Variants in SORCS3 observed in about 807,000 individuals in gnomAD.
SORCS3 encodes the protein VPS10 domain-containing receptor SorCS3.
Under a neutral mutation model 146.3 loss-of-function variants are expected in SORCS3, and 57 were observed. That is an observed-to-expected ratio of 0.39 (90% CI 0.31 to 0.49). The LOEUF is 0.49. Among genes scored for constraint, SORCS3 ranks in the 20% least tolerant of loss-of-function variants. The pLI is 0.92. For missense variants in SORCS3, 1,341 were observed against 1,575.5 expected (o/e 0.85, Z 2.52); for synonymous variants, 653 against 618.5 (o/e 1.06, Z -0.83).
chr10:104,887,815 A>G (rs571310599), intron 2 of SORCS3, among the ~76,000 whole-genome samples: 1 of 152,162 alleles, frequency 6.6e-6, no homozygotes, highest in Non-Finnish European at 1.5e-5. Context: ...TAAGTTCTGT[A>G]TCTGTCATAC....
intron 1 of SORCS3, among the ~76,000 whole-genome samples, chr10:104,813,929 C>CTTTT (rs35625517): frequency 4.3e-5 from 5 of 116,146 alleles, no homozygotes; most frequent in East Asian, 2.6e-4. Flanking sequence ...TCTTTTCTTT[C>CTTTT]TTTTTTTTTT....
intron 3 of SORCS3, among the ~76,000 whole-genome samples, chr10:104,919,718 A>G (rs991393363): frequency 6.6e-6 from 1 of 152,106 alleles, no homozygotes; most frequent in African/African-American, 2.4e-5. Flanking sequence ...TAATGTTCAT[A>G]AGGGTCCTAC....
chr10:105,203,077 G>A (rs910337075), intron 16 of SORCS3, among the ~76,000 whole-genome samples: 1 of 152,122 alleles, frequency 6.6e-6, no homozygotes, highest in Admixed American at 6.6e-5. Context: ...AGCTTGATTT[G>A]TACTAGAAAC....
chr10:104,682,659 T>G (rs1439552566), intron 1 of SORCS3, among the ~76,000 whole-genome samples: 1 of 151,960 alleles, frequency 6.6e-6, no homozygotes, highest in Admixed American at 6.6e-5. Context: ...CTGGAAGAGG[T>G]TGGGGGCTGC....
chr10:104,873,465 A>G (rs2018539807), intron 2 of SORCS3, among the ~76,000 whole-genome samples: 1 of 152,200 alleles, frequency 6.6e-6, no homozygotes, highest in Non-Finnish European at 1.5e-5. Flanking sequence ...TGAGCTGACT[A>G]CCTTCAGAAG....
intron 3 of SORCS3, among the ~76,000 whole-genome samples, chr10:104,950,213 A>G (rs922357053): frequency 3.9e-5 from 6 of 152,202 alleles, no homozygotes; most frequent in Non-Finnish European, 8.8e-5. Flanking sequence ...TACCCTCAGA[A>G]ATAAAGCCAT....
At position 104,641,938 on chromosome 10, in the gene SORCS3, C is replaced by T; in HGVS notation, c.611C>T (p.Ser204Leu). 1 of 1,576,032 alleles carries T rather than the reference C, an allele frequency of 6.3e-7. No homozygotes were observed. The highest frequency in any genetic ancestry group is 8.5e-7 in the Non-Finnish European group (1 of 1,173,558). Residue 204 changes from serine (S) to leucine (L), a missense_variant, in exon 1 of 27, where the codon TCG becomes TTG. Coordinates refer to ENST00000369701, the MANE Select transcript of SORCS3 (RefSeq NM_014978.3). This position sits in a 1 kb window ranked among gnomAD's most constrained non-coding sequence, Gnocchi z 6.4. ...CACAACCAAGCCATGGTGCACTGGTCGGGACACAACAGCAGCGTGAGTACC... is the reference window on the plus strand; with the variant it reads ...CACAACCAAGCCATGGTGCACTGGTTGGGACACAACAGCAGCGTGAGTACC... ...SAHNQAMVHW[S>L]GHNSSVILIL...
At chr10:105,095,577 G>C (rs1410667979) in intron 6 of SORCS3, among the ~76,000 whole-genome samples, 1 of 152,126 alleles carries the variant, frequency 6.6e-6, no homozygotes, top group Non-Finnish European at 1.5e-5. Context: ...GACTCTCCAA[G>C]CCCTGGTAGA....
At chr10:105,010,643 A>G (rs2055129462) in intron 4 of SORCS3, among the ~76,000 whole-genome samples, 1 of 152,200 alleles carries the variant, frequency 6.6e-6, no homozygotes, top group Non-Finnish European at 1.5e-5. Flanking sequence ...GCACACAGAC[A>G]CACACTTTAA....
intron 3 of SORCS3, among the ~76,000 whole-genome samples, chr10:104,924,962 C>T (rs1004045430): frequency 3.3e-5 from 5 of 152,150 alleles, no homozygotes; most frequent in African/African-American, 1.2e-4. Context: ...AGGTTTGTTA[C>T]ATAGGTATAC....
chr10:105,200,376 C>T (rs1407912127), intron 15 of SORCS3, among the ~76,000 whole-genome samples: 1 of 152,112 alleles, frequency 6.6e-6, no homozygotes, highest in African/African-American at 2.4e-5. Flanking sequence ...TTGATGATAA[C>T]CTGGGGTTTT....
At chr10:104,840,673 G>A (rs1025044263) in intron 1 of SORCS3, among the ~76,000 whole-genome samples, 2 of 152,182 alleles carry the variant, frequency 1.3e-5, no homozygotes, top group Non-Finnish European at 2.9e-5. Flanking sequence ...TAAGGAGAAG[G>A]GTTTTCCAGA....
At chr10:105,244,025 ATCCTGCTGTCG>A (rs1477106197) in intron 20 of SORCS3, among the ~76,000 whole-genome samples, 3 of 152,032 alleles carry the variant, frequency 2.0e-5, no homozygotes, top group African/African-American at 7.2e-5. Context: ...GCTACTCTCC[ATCCTGCTGTCG>A]TCCTGACACA....
chr10:104,967,390 A>G (rs750690662), intron 3 of SORCS3, among the ~76,000 whole-genome samples: 1 of 152,234 alleles, frequency 6.6e-6, no homozygotes, highest in Non-Finnish European at 1.5e-5. Context: ...TACAGACAAC[A>G]TGAGATTTAC....
chr10:104,760,126 G>A (rs1053073738), intron 1 of SORCS3, among the ~76,000 whole-genome samples: 1 of 152,166 alleles, frequency 6.6e-6, no homozygotes, highest in African/African-American at 2.4e-5. Context: ...ACCTGTCCTG[G>A]TGTGTTCAGG....
intron 22 of SORCS3, among the ~76,000 whole-genome samples, chr10:105,249,646 C>T (rs184279936): frequency 2.1e-4 from 32 of 152,104 alleles, no homozygotes; most frequent in Admixed American, 1.9e-3. Flanking sequence ...CTTTGGGAGC[C>T]GAGGCAGGTG....
At chr10:104,910,089 A>G (rs2018951374) in intron 2 of SORCS3, among the ~76,000 whole-genome samples, 1 of 152,168 alleles carries the variant, frequency 6.6e-6, no homozygotes, top group Non-Finnish European at 1.5e-5. Flanking sequence ...AGTTGATGCC[A>G]TAGAATAGTC....
rs573583316 is a variant in SORCS3 at position 105,148,364 on chromosome 10, A to G, written c.1482+568A>G. On this transcript the variant is annotated intron_variant, in intron 9 of 26. Coordinates refer to ENST00000369701, the MANE Select transcript of SORCS3 (RefSeq NM_014978.3). ...TATATTAAGCTTGTTAAAAAGTGTG[A>G]TAACTAATTAAAGAATAATTTACTA... 5.3e-5 allele frequency among the ~76,000 whole-genome samples: 8 copies of G among 152,296 alleles called. No individual in the cohort carries two copies. The East Asian group carries it at 1.2e-3, about 22-fold the overall frequency.
chr10:104,685,853 A>G lies in SORCS3; in HGVS notation c.627+43899A>G, dbSNP rs570532875. Among the ~76,000 whole-genome samples the G allele has an allele frequency of 2.0e-5, 3 of 152,250 alleles. No individual in the cohort carries two copies. The East Asian group carries it at 5.8e-4, about 29-fold the overall frequency. ...CCCTTTGTCCCCACAAATGTTTTCTAGGGAGTGGAACATCCCCTAGTGAGA... is the reference window on the plus strand; with the variant it reads ...CCCTTTGTCCCCACAAATGTTTTCTGGGGAGTGGAACATCCCCTAGTGAGA... On this transcript the variant is annotated intron_variant, in intron 1 of 26. Coordinates refer to ENST00000369701, the MANE Select transcript of SORCS3 (RefSeq NM_014978.3).
Sources: gnomAD v4.1 joint callset for allele counts (sites outside exome capture counted in the v4.1 genomes callset) on GRCh38, gnomAD v4.1.1 for gene constraint, Gnocchi (gnomAD v3.1) non-coding constraint, MANE v1.5 for transcripts, NCBI Gene and HGNC (gene_info 2026-07-23, HGNC 2026-07-21) for gene names.